Variants in LHPP observed in about 807,000 individuals in gnomAD.
LHPP encodes the protein hLHPP.
In LHPP, 24 loss-of-function variants were observed where a neutral mutation model predicts 30.3. The ratio of observed to expected loss-of-function variants is 0.79; its 90% CI spans 0.57 to 1.11. The LOEUF is 1.11. Among genes scored for constraint, LHPP ranks in the 50% most tolerant of loss-of-function variants. The pLI is 0.00. For synonymous variants in LHPP, 150 were observed against 157.1 expected (o/e 0.95, Z 0.34); for missense variants, 356 against 367.2 (o/e 0.97, Z 0.25).
intron 6 of LHPP, among the ~76,000 whole-genome samples, chr10:124,570,718 G>A (rs1333390860): frequency 6.6e-6 from 1 of 152,162 alleles, no homozygotes; most frequent in Non-Finnish European, 1.5e-5. Context: ...GGAATCAGAC[G>A]ATACATGGTC....
intron 2 of LHPP, among the ~76,000 whole-genome samples, chr10:124,487,680 G>A (rs562947609): frequency 8.8e-4 from 134 of 152,162 alleles, no homozygotes; most frequent in African/African-American, 2.9e-3. Context: ...CTGAACTCAG[G>A]CGATCCGCCC....
rs1413191952 is a variant in LHPP, at chr10:124,488,420, A to G, written c.314-2A>G. ...GCACTCTGTCTCTCTCTCTCTTTCC[A>G]GGAGTCCGCTCAGAATTTGATCAGA... On this transcript the variant is annotated splice_acceptor_variant, in intron 2 of 6. Transcript: ENST00000368842. LOFTEE classifies it high-confidence loss of function. 6 of 1,613,820 alleles carry G rather than the reference A, an allele frequency of 3.7e-6. No homozygotes were observed. The highest frequency in any genetic ancestry group is 2.2e-5 in the East Asian group (1 of 44,860).
At chr10:124,611,086 G>A (rs372899392) in intron 6 of LHPP, among the ~76,000 whole-genome samples, 103 of 151,848 alleles carry the variant, frequency 6.8e-4, no homozygotes, top group African/African-American at 2.3e-3. Context: ...TGGTCCCCCA[G>A]GCTCCTACTT....
Position 124,601,999 on chromosome 10 carries a change from C to T in LHPP, c.717-11265C>T, listed in dbSNP as rs149550972. 1.2e-4 allele frequency among the ~76,000 whole-genome samples: 19 copies of T among 152,352 alleles called. No homozygotes were observed. In the East Asian group the frequency reaches 3.5e-3, roughly 28 times the overall value. On this transcript the variant is annotated intron_variant, in intron 6 of 6. Transcript: ENST00000368842. ...TCCATGTGTGCTGTGCCCCGTCCTC[C>T]GCTGCACTGCCTCTTCGTAGTGCCC...
intron 5 of LHPP, among the ~76,000 whole-genome samples, chr10:124,504,206 AATAAT>A (rs899849258): frequency 4.0e-5 from 6 of 151,662 alleles, no homozygotes; most frequent in African/African-American, 1.5e-4. Flanking sequence ...AATAAAATAA[AATAAT>A]ATAAGTGGTA....
chr10:124,466,930 C>G (rs982014483), intron 1 of LHPP, among the ~76,000 whole-genome samples: 21 of 139,944 alleles, frequency 1.5e-4, no homozygotes, highest in Middle Eastern at 3.8e-3. Flanking sequence ...TGAGACCAGC[C>G]TGGGCAACAC....
At chr10:124,483,530 T>G (rs1212788457) in intron 1 of LHPP, among the ~76,000 whole-genome samples, 1 of 152,092 alleles carries the variant, frequency 6.6e-6, no homozygotes, top group African/African-American at 2.4e-5. Flanking sequence ...CCCAGCACTT[T>G]GGGACACCTG....
chr10:124,475,142 C>T (rs1952902517), intron 1 of LHPP, among the ~76,000 whole-genome samples: 1 of 148,362 alleles, frequency 6.7e-6, no homozygotes, highest in Non-Finnish European at 1.5e-5. Flanking sequence ...CCTGCCTCAG[C>T]CTCCTGAATA....
At chr10:124,530,890 G>T (rs958978478) in intron 6 of LHPP, among the ~76,000 whole-genome samples, 1 of 143,792 alleles carries the variant, frequency 7.0e-6, no homozygotes, top group African/African-American at 2.6e-5. Context: ...GAGCGGCCAA[G>T]GTAGCCTCAT....
intron 6 of LHPP, among the ~76,000 whole-genome samples, chr10:124,537,433 G>A (rs901798151): frequency 5.3e-5 from 8 of 152,232 alleles, no homozygotes; most frequent in Admixed American, 2.0e-4. Flanking sequence ...GGCCCAGCCC[G>A]GAGCAAGCTG....
At chr10:124,498,660 C>CTTTTTTTTTTTTTTTTTTTTTTTTT in intron 5 of LHPP, 1 of 351,968 alleles carries the variant, frequency 2.8e-6, no homozygotes, top group Non-Finnish European at 5.1e-6. Context: ...TTTTCTTTTT[C>CTTTTTTTTTTTTTTTTTTTTTTTTT]TTTTTTTTTT....
rs1021287788 is a variant in LHPP at position 124,503,312 on chromosome 10, C to T, written c.624+5184C>T. Among the ~76,000 whole-genome samples, 19 of 150,722 alleles carry T rather than the reference C, an allele frequency of 1.3e-4. 1 individual carries two copies. The highest frequency in any genetic ancestry group is 4.4e-4 in the African/African-American group (18 of 40,888). On this transcript the variant is annotated intron_variant, in intron 5 of 6. Coordinates refer to ENST00000368842, the MANE Select transcript of LHPP (RefSeq NM_022126.4). ...AACTCTCAATCTCAGGTGATCCGCC[C>T]GCCTCGGCCTCCCAAAGTGCTGGGA...
At chr10:124,465,518 G>A (rs1952529139) in intron 1 of LHPP, among the ~76,000 whole-genome samples, 1 of 152,206 alleles carries the variant, frequency 6.6e-6, no homozygotes, top group African/African-American at 2.4e-5. Flanking sequence ...AATCTAGAAA[G>A]CAAAAACAAC....
At chr10:124,469,000 C>T (rs1344972506) in intron 1 of LHPP, among the ~76,000 whole-genome samples, 2 of 152,190 alleles carry the variant, frequency 1.3e-5, no homozygotes, top group Non-Finnish European at 2.9e-5. Flanking sequence ...GTGATTGAGC[C>T]GGGAAGCCTT....
chr10:124,591,530 G>A (rs553475627), intron 6 of LHPP, among the ~76,000 whole-genome samples: 2 of 152,226 alleles, frequency 1.3e-5, no homozygotes, highest in Admixed American at 6.5e-5. Flanking sequence ...AAGTCATTGT[G>A]GACACTGAGG....
intron 3 of LHPP, chr10:124,490,534 A>G: frequency 2.9e-6 from 1 of 349,532 alleles, no homozygotes; most frequent in Non-Finnish European, 5.9e-6. Flanking sequence ...CCTCCTTAAA[A>G]AGGAGTTCAT....
intron 1 of LHPP, among the ~76,000 whole-genome samples, chr10:124,481,827 A>G (rs1193020350): frequency 3.3e-5 from 5 of 151,924 alleles, no homozygotes; most frequent in Admixed American, 6.6e-5. Context: ...CCTTCCCACC[A>G]CCTGGCCTGC....
rs1269450062 is a variant in LHPP at position 124,541,976 on chromosome 10, G to A, written c.716+24705G>A. Among the ~76,000 whole-genome samples, 2 of 152,008 alleles carry A rather than the reference G, an allele frequency of 1.3e-5. No individual in the cohort carries two copies. Among genetic ancestry groups the A allele is most frequent in the Non-Finnish European group, 2.9e-5 (2 of 67,992 alleles). On this transcript the variant is annotated intron_variant, in intron 6 of 6. Coordinates refer to ENST00000368842, the MANE Select transcript of LHPP (RefSeq NM_022126.4). The surrounding 1 kb of genome is among the most constrained non-coding windows in gnomAD (Gnocchi z 4.2). ...TGCTGTCCCTGTCCAGACATGAAAC[G>A]GACAGCAGGAGGGGGCTTTGAGGGG...
chr10:124,573,696 G>A (rs769277536), intron 6 of LHPP, among the ~76,000 whole-genome samples: 7 of 152,172 alleles, frequency 4.6e-5, no homozygotes, highest in Non-Finnish European at 8.8e-5. Context: ...TGGGATTGCC[G>A]TGCCTGATCC....
Sources: gnomAD v4.1 joint callset for allele counts (sites outside exome capture counted in the v4.1 genomes callset) on GRCh38, gnomAD v4.1.1 for gene constraint, Gnocchi (gnomAD v3.1) non-coding constraint, MANE v1.5 for transcripts, NCBI Gene and HGNC (gene_info 2026-07-23, HGNC 2026-07-21) for gene names.